Variants in RBMS3 observed in about 807,000 individuals in gnomAD.
The protein encoded by RBMS3 is RNA-binding motif, single-stranded-interacting protein 3.
Under a neutral mutation model 66.8 loss-of-function variants are expected in RBMS3, and 27 were observed. The ratio of observed to expected loss-of-function variants is 0.40; its 90% CI spans 0.30 to 0.56. The LOEUF (loss-of-function observed/expected upper bound fraction) is 0.56, where lower values mean the gene tolerates loss of function less well. RBMS3 is among the 20% of genes least tolerant of loss of function. The probability of loss-of-function intolerance (pLI) is 0.40; values close to 1 mark genes in which losing one functional copy is unlikely to be tolerated. For synonymous variants in RBMS3, 188 were observed against 183.0 expected (o/e 1.03, Z -0.22); for missense variants, 513 against 549.5 (o/e 0.93, Z 0.66).
intron 6 of RBMS3, among the ~76,000 whole-genome samples, chr3:29,865,306 C>G (rs2059333377): frequency 6.6e-6 from 1 of 152,160 alleles, no homozygotes; most frequent in African/African-American, 2.4e-5. Context: ...GAACCAGGGA[C>G]TATCCTATAA....
At chr3:29,475,610 G>C (rs943869104) in intron 2 of RBMS3, among the ~76,000 whole-genome samples, 2 of 152,038 alleles carry the variant, frequency 1.3e-5, no homozygotes, top group African/African-American at 4.8e-5. Flanking sequence ...TTTCCTCCAG[G>C]AACATTACCA....
intron 5 of RBMS3, among the ~76,000 whole-genome samples, chr3:29,755,462 A>G (rs960839939): frequency 2.0e-5 from 3 of 152,350 alleles, no homozygotes; most frequent in Admixed American, 2.0e-4. Context: ...ACTCCAGATG[A>G]TTCTACTGAA....
At chr3:29,824,216 G>A (rs1389672307) in intron 6 of RBMS3, among the ~76,000 whole-genome samples, 2 of 151,172 alleles carry the variant, frequency 1.3e-5, no homozygotes, top group South Asian at 2.1e-4. Flanking sequence ...ACATGAGGGT[G>A]GAGCATGCAT....
At chr3:29,973,877 G>A (rs1203312167) in intron 12 of RBMS3, among the ~76,000 whole-genome samples, 1 of 151,822 alleles carries the variant, frequency 6.6e-6, no homozygotes, top group East Asian at 1.9e-4. Context: ...TCTGTTTATT[G>A]TTGCCCCCTC....
intron 1 of RBMS3, among the ~76,000 whole-genome samples, chr3:29,342,810 G>A (rs1471818729): frequency 6.6e-6 from 1 of 151,968 alleles, no homozygotes; most frequent in Non-Finnish European, 1.5e-5. Flanking sequence ...AAAGAGTTGA[G>A]GAAGATCCTC....
At position 29,490,315 on chromosome 3, in the gene RBMS3, A is replaced by G. The variant is rs150717818; in HGVS notation, c.307+1816A>G. Among the ~76,000 whole-genome samples the G allele has an allele frequency of 5.1e-3, 771 of 152,238 alleles. 5 individuals carry two copies. The highest frequency in any genetic ancestry group is 0.018 in the African/African-American group (736 of 41,538). ...AATGTAGGCTTTAAAGCCATAGTAC[A>G]ATAGAGAAATTAGAAAAAAATCAGC... is the stretch of plus-strand genomic sequence containing the variant. On this transcript the variant is annotated intron_variant, in intron 3 of 14. Coordinates refer to ENST00000383767, the MANE Select transcript of RBMS3 (RefSeq NM_001003793.3).
At chr3:29,978,033 A>T (rs552203851) in intron 12 of RBMS3, among the ~76,000 whole-genome samples, 2 of 152,176 alleles carry the variant, frequency 1.3e-5, no homozygotes, top group South Asian at 4.1e-4. Flanking sequence ...TCTGCCATTT[A>T]TTAGCTGGAT....
At chr3:29,386,849 A>G (rs1187586228) in intron 1 of RBMS3, among the ~76,000 whole-genome samples, 1 of 152,140 alleles carries the variant, frequency 6.6e-6, no homozygotes, top group African/African-American at 2.4e-5. Flanking sequence ...CTCGAGCAAA[A>G]TGATTTTTGT....
chr3:29,846,904 T>G (rs996843628), intron 6 of RBMS3, among the ~76,000 whole-genome samples: 2 of 152,200 alleles, frequency 1.3e-5, no homozygotes, highest in African/African-American at 4.8e-5. Flanking sequence ...GGTTTTTTTC[T>G]TCCCCTAATG....
chr3:29,729,390 A>G (rs1343299025), intron 4 of RBMS3, among the ~76,000 whole-genome samples: 2 of 152,096 alleles, frequency 1.3e-5, no homozygotes, highest in Admixed American at 1.3e-4. Context: ...TCTATCATTG[A>G]TGGACATTTG....
chr3:29,680,566 C>G (rs1323954827), intron 4 of RBMS3, among the ~76,000 whole-genome samples: 2 of 152,114 alleles, frequency 1.3e-5, no homozygotes, highest in African/African-American at 4.8e-5. Flanking sequence ...AGACAGACCA[C>G]AAGAGTTTCA....
At chr3:29,341,050 C>T (rs7431530) in intron 1 of RBMS3, among the ~76,000 whole-genome samples, 45,243 of 151,698 alleles carry the variant, frequency 0.3, 6,873 homozygotes, top group East Asian at 0.35. Context: ...TAAGGAGAGC[C>T]AGCCACTAGC....
intron 3 of RBMS3, among the ~76,000 whole-genome samples, chr3:29,524,514 G>A (rs1263848311): frequency 1.5e-5 from 2 of 129,798 alleles, no homozygotes; most frequent in African/African-American, 2.9e-5. Context: ...CACAATCTCC[G>A]CCTCCCGGTT....
In RBMS3 at chr3:29,913,294, G is replaced by T. The variant is rs114730671; in HGVS notation, c.939+13539G>T. 3.3e-3 allele frequency among the ~76,000 whole-genome samples: 495 copies of T among 152,098 alleles called. 4 individuals are homozygous for T. The highest frequency in any genetic ancestry group is 0.011 in the African/African-American group (477 of 41,520). On this transcript the variant is annotated intron_variant, in intron 10 of 14. Transcript: ENST00000383767. ...CTATCTTACAATAATTACTCAATAT[G>T]TTCAGCAGACTCTGAAATCTGCACT...
At chr3:29,634,443 C>T (rs9835085) in intron 4 of RBMS3, among the ~76,000 whole-genome samples, 10,790 of 151,780 alleles carry the variant, frequency 0.071, 716 homozygotes, top group East Asian at 0.33. Context: ...TAGCTGGTTG[C>T]GAACATGGGA....
At chr3:29,729,880 A>G (rs1283051154) in intron 4 of RBMS3, among the ~76,000 whole-genome samples, 2 of 152,178 alleles carry the variant, frequency 1.3e-5, no homozygotes, top group Non-Finnish European at 2.9e-5. Flanking sequence ...AAAGAACAAT[A>G]AGAATTATAA....
At chr3:29,524,844 G>C (rs1268019957) in intron 3 of RBMS3, among the ~76,000 whole-genome samples, 1 of 151,984 alleles carries the variant, frequency 6.6e-6, no homozygotes, top group South Asian at 2.1e-4. Flanking sequence ...CTTGAGCCTA[G>C]CAGTTTTGGA....
At chr3:29,327,348 C>T (rs908476015) in intron 1 of RBMS3, among the ~76,000 whole-genome samples, 2 of 151,972 alleles carry the variant, frequency 1.3e-5, no homozygotes, top group South Asian at 4.2e-4. Flanking sequence ...CGTGATTGTT[C>T]CTGTTGCTTT....
chr3:29,450,251 T>G (rs78776294), intron 2 of RBMS3, among the ~76,000 whole-genome samples: 1 of 152,146 alleles, frequency 6.6e-6, no homozygotes, highest in Non-Finnish European at 1.5e-5. Flanking sequence ...GATTGACCAC[T>G]GGTATAGTGG....
Sources: allele counts gnomAD v4.1 joint callset (sites outside exome capture counted in the v4.1 genomes callset), GRCh38; gene constraint gnomAD v4.1.1; transcripts MANE v1.5; gene names NCBI Gene and HGNC (gene_info 2026-07-23, HGNC 2026-07-21).